Variants in USH2A observed in about 807,000 individuals in gnomAD.
USH2A encodes the protein Usher syndrome 2A (autosomal recessive, mild).
USH2A carries 443 observed loss-of-function variants against 538.9 expected under a neutral mutation model. The ratio of observed to expected loss-of-function variants is 0.82; its 90% CI spans 0.76 to 0.89. USH2A has a LOEUF of 0.89. Among genes scored for constraint, USH2A ranks in the 40% least tolerant of loss-of-function variants. USH2A has a pLI of 0.00. For synonymous variants in USH2A, 2,413 were observed against 2,273.5 expected (o/e 1.06, Z -1.75); for missense variants, 6,633 against 6,324.8 (o/e 1.05, Z -1.65).
intron 43 of USH2A, among the ~76,000 whole-genome samples, chr1:215,876,646 A>C (rs1486679485): frequency 1.3e-5 from 2 of 152,170 alleles, no homozygotes; most frequent in East Asian, 3.9e-4. Flanking sequence ...CTACAATGAC[A>C]ATAGTGATAT....
At chr1:216,384,858 C>T (rs1271036048) in intron 3 of USH2A, among the ~76,000 whole-genome samples, 2 of 152,070 alleles carry the variant, frequency 1.3e-5, no homozygotes, top group Non-Finnish European at 2.9e-5. Context: ...GAAACTGAAC[C>T]TAGAAGGAAC....
chr1:216,288,866 C>T (rs970403653), intron 11 of USH2A, among the ~76,000 whole-genome samples: 8 of 152,062 alleles, frequency 5.3e-5, no homozygotes, highest in Admixed American at 1.3e-4. Context: ...AATTGAGAAG[C>T]GAGGCTATCA....
chr1:215,853,649 C>A (rs1270918168), intron 44 of USH2A, among the ~76,000 whole-genome samples: 1 of 152,180 alleles, frequency 6.6e-6, no homozygotes, highest in Non-Finnish European at 1.5e-5. Context: ...CCCAAGTCAC[C>A]TCTTGAATGT....
At chr1:216,186,223 TAAA>T (rs111658512) in intron 20 of USH2A, among the ~76,000 whole-genome samples, 1 of 139,484 alleles carries the variant, frequency 7.2e-6, no homozygotes, top group African/African-American at 2.6e-5. Flanking sequence ...TAGCAAAGAA[TAAA>T]AAAAAAAAAA....
At chr1:216,298,495 G>A (rs1338769012) in intron 9 of USH2A, among the ~76,000 whole-genome samples, 1 of 152,116 alleles carries the variant, frequency 6.6e-6, no homozygotes, top group Non-Finnish European at 1.5e-5. Context: ...CTGCCTTAAT[G>A]TTTAAAGCCA....
intron 59 of USH2A, among the ~76,000 whole-genome samples, chr1:215,742,333 A>G (rs1327609450): frequency 2.0e-5 from 3 of 152,170 alleles, no homozygotes; most frequent in Non-Finnish European, 2.9e-5. Context: ...TTTAAGGTGA[A>G]GCAAAATGTT....
chr1:216,299,122 G>A (rs2102619809), intron 9 of USH2A, among the ~76,000 whole-genome samples: 1 of 152,158 alleles, frequency 6.6e-6, no homozygotes, highest in East Asian at 1.9e-4. Flanking sequence ...GTTTACAGGC[G>A]TGAGCCACCG....
intron 35 of USH2A, among the ~76,000 whole-genome samples, chr1:215,992,099 T>C (rs542337378): frequency 1.9e-4 from 29 of 152,200 alleles, no homozygotes; most frequent in Non-Finnish European, 3.5e-4. Context: ...GCTGGAATAA[T>C]TAATATCATA....
intron 32 of USH2A, among the ~76,000 whole-genome samples, chr1:216,042,524 A>T (rs1334607257): frequency 6.6e-6 from 1 of 152,008 alleles, no homozygotes; most frequent in Admixed American, 6.6e-5. Context: ...CCCACAAGCC[A>T]CTCAGTGTGG....
rs1337433565 is a variant in USH2A, at chr1:216,051,763, C to A, written c.6050-3116G>T. Among the ~76,000 whole-genome samples, 3 of 152,182 alleles carry A rather than the reference C, an allele frequency of 2.0e-5. No individual in the cohort carries two copies. The East Asian group carries it at 5.8e-4, about 29-fold the overall frequency. On this transcript the variant is annotated intron_variant, in intron 30 of 71. Transcript: ENST00000307340. ...GATATACAGGTTGGTTATCTGCAAT[C>A]ATTAGCATGAAGATGTGTTGTACAT...
chr1:215,957,585 T>A (rs1667100620), intron 37 of USH2A, among the ~76,000 whole-genome samples: 1 of 152,150 alleles, frequency 6.6e-6, no homozygotes, highest in African/African-American at 2.4e-5. Flanking sequence ...TCTAAAAATA[T>A]ATGCTCTGAA....
intron 15 of USH2A, among the ~76,000 whole-genome samples, chr1:216,211,213 C>A (rs989203713): frequency 3.3e-5 from 5 of 152,024 alleles, no homozygotes; most frequent in Non-Finnish European, 7.4e-5. Context: ...AGCTGAGCTG[C>A]CAAAGTAATT....
intron 13 of USH2A, among the ~76,000 whole-genome samples, chr1:216,241,913 T>C (rs764462664): frequency 6.6e-6 from 1 of 152,204 alleles, no homozygotes; most frequent in African/African-American, 2.4e-5. Flanking sequence ...TTGCAAATTG[T>C]CTTCTTTTCT....
chr1:215,744,373 A>G (rs1443477185), intron 58 of USH2A, among the ~76,000 whole-genome samples: 2 of 152,216 alleles, frequency 1.3e-5, no homozygotes, highest in African/African-American at 2.4e-5. Flanking sequence ...ATATAATTAA[A>G]TGCTTGTTAA....
intron 44 of USH2A, among the ~76,000 whole-genome samples, chr1:215,859,194 T>G (rs140113876): frequency 6.6e-6 from 1 of 152,270 alleles, no homozygotes; most frequent in East Asian, 1.9e-4. Flanking sequence ...GTGAACTGCT[T>G]GGGTCCATTT....
intron 32 of USH2A, among the ~76,000 whole-genome samples, chr1:216,038,211 G>A (rs1312524684): frequency 1.3e-5 from 2 of 151,806 alleles, no homozygotes; most frequent in African/African-American, 4.8e-5. Flanking sequence ...ATCTCTTTGG[G>A]GCATTGTCCT....
chr1:215,695,195 C>T (rs1466819702), intron 61 of USH2A, among the ~76,000 whole-genome samples: 1 of 152,198 alleles, frequency 6.6e-6, no homozygotes, highest in Non-Finnish European at 1.5e-5. Context: ...AAGCTTCTTG[C>T]AGAACTCTGC....
intron 44 of USH2A, among the ~76,000 whole-genome samples, chr1:215,866,019 C>G (rs573624006): frequency 3.9e-5 from 6 of 152,124 alleles, no homozygotes; most frequent in Non-Finnish European, 7.4e-5. Flanking sequence ...GACTTTTCAT[C>G]TTTTTATATC....
chr1:216,105,378 A>G lies in USH2A; in HGVS notation c.4628-8165T>C, dbSNP rs551840179. Among the ~76,000 whole-genome samples, 77 of 151,560 alleles carry G rather than the reference A, an allele frequency of 5.1e-4. 2 individuals are homozygous for G. Among genetic ancestry groups the G allele is most frequent in the African/African-American group, 1.7e-3 (70 of 41,436 alleles). On this transcript the variant is annotated intron_variant, in intron 21 of 71. Coordinates refer to ENST00000307340, the MANE Select transcript of USH2A (RefSeq NM_206933.4). The stretch of plus-strand genomic sequence containing the variant: ...GCTTTATTGTTTTTTTTTGACTCCT[A>G]TACACTATACAGTACTATTTGTTGA...
Sources: allele counts gnomAD v4.1 joint callset (sites outside exome capture counted in the v4.1 genomes callset), GRCh38; gene constraint gnomAD v4.1.1; transcripts MANE v1.5; gene names NCBI Gene and HGNC (gene_info 2026-07-23, HGNC 2026-07-21).